ATG10: variants seen among roughly 807,000 people sequenced by gnomAD.
The protein encoded by ATG10 is autophagy related 10.
In ATG10, 30 loss-of-function variants were observed where a neutral mutation model predicts 32.1. That is an observed-to-expected ratio of 0.94 (90% CI 0.70 to 1.27). The LOEUF (loss-of-function observed/expected upper bound fraction) is 1.27. Among genes scored for constraint, ATG10 ranks in the 50% most tolerant of loss-of-function variants. The pLI is 0.00. For missense variants in ATG10, 233 were observed against 262.3 expected (o/e 0.89, Z 0.77); for synonymous variants, 87 against 91.5 (o/e 0.95, Z 0.28).
chr5:82,082,389 A>G (rs1764515341), intron 3 of ATG10, among the ~76,000 whole-genome samples: 1 of 152,220 alleles, frequency 6.6e-6, no homozygotes, highest in African/African-American at 2.4e-5. Flanking sequence ...CTACTTTCTT[A>G]TATCTTCAAA....
At chr5:82,209,743 T>A (rs1222148624) in intron 5 of ATG10, among the ~76,000 whole-genome samples, 1 of 152,172 alleles carries the variant, frequency 6.6e-6, no homozygotes, top group African/African-American at 2.4e-5. Flanking sequence ...TTTTTGAAAA[T>A]TTTGGGCCAT....
chr5:82,087,962 A>G (rs1764747596), intron 3 of ATG10, among the ~76,000 whole-genome samples: 1 of 152,140 alleles, frequency 6.6e-6, no homozygotes, highest in Non-Finnish European at 1.5e-5. Flanking sequence ...CTTTTTGTTT[A>G]CCAATTATAC....
intron 5 of ATG10, among the ~76,000 whole-genome samples, chr5:82,246,174 G>A (rs1014556720): frequency 1.3e-5 from 2 of 150,966 alleles, no homozygotes; most frequent in Non-Finnish European, 2.9e-5. Context: ...GGGTTCAAGC[G>A]ATTCTCCTGC....
intron 2 of ATG10, among the ~76,000 whole-genome samples, chr5:82,048,533 C>A (rs1449069063): frequency 3.3e-5 from 5 of 152,062 alleles, no homozygotes; most frequent in South Asian, 2.1e-4. Flanking sequence ...GCAACAAAAG[C>A]CAAAATTGAC....
At chr5:81,981,907 T>A (rs1446894315) in intron 1 of ATG10, among the ~76,000 whole-genome samples, 3 of 152,204 alleles carry the variant, frequency 2.0e-5, no homozygotes. Flanking sequence ...GTGTTAGAAT[T>A]CACTAAGGCT....
At chr5:82,186,272 G>C (rs1232511918) in intron 5 of ATG10, among the ~76,000 whole-genome samples, 1 of 152,148 alleles carries the variant, frequency 6.6e-6, no homozygotes. Flanking sequence ...TTAGCTGTGG[G>C]TATTAATAAG....
chr5:82,103,866 T>C (rs548493251), intron 3 of ATG10, among the ~76,000 whole-genome samples: 1 of 152,172 alleles, frequency 6.6e-6, no homozygotes, highest in South Asian at 2.1e-4. Context: ...ACATTTTCAG[T>C]TACTACCTGC....
chr5:82,177,032 A>G (rs1744057782), intron 4 of ATG10, among the ~76,000 whole-genome samples: 1 of 152,186 alleles, frequency 6.6e-6, no homozygotes, highest in Non-Finnish European at 1.5e-5. Flanking sequence ...CAACATGGGA[A>G]AATTCTAAGA....
intron 3 of ATG10, among the ~76,000 whole-genome samples, chr5:82,160,734 A>G (rs756082043): frequency 6.6e-6 from 1 of 152,118 alleles, no homozygotes; most frequent in Non-Finnish European, 1.5e-5. Flanking sequence ...GTTTTAATTT[A>G]TATTTCCCTG....
chr5:82,119,542 C>T (rs1480904150), intron 3 of ATG10, among the ~76,000 whole-genome samples: 1 of 152,050 alleles, frequency 6.6e-6, no homozygotes, highest in Non-Finnish European at 1.5e-5. Context: ...CTCACTGCAA[C>T]CTCCGCCTCC....
intron 2 of ATG10, among the ~76,000 whole-genome samples, chr5:81,994,398 CAA>C (rs969091407): frequency 4.0e-5 from 6 of 151,604 alleles, no homozygotes; most frequent in Non-Finnish European, 8.8e-5. Context: ...CACTAGAAAA[CAA>C]AAAAATGTAT....
intron 5 of ATG10, among the ~76,000 whole-genome samples, chr5:82,224,962 C>T (rs1425039773): frequency 6.6e-6 from 1 of 152,212 alleles, no homozygotes; most frequent in Non-Finnish European, 1.5e-5. Context: ...TTATAAACTA[C>T]AAACTTACAT....
At chr5:82,197,163 A>C (rs1744884147) in intron 5 of ATG10, among the ~76,000 whole-genome samples, 1 of 152,112 alleles carries the variant, frequency 6.6e-6, no homozygotes, top group South Asian at 2.1e-4. Context: ...GTTGTGAATG[A>C]AATTGTTTTC....
chr5:82,058,352 C>T (rs1372296684), intron 2 of ATG10, 143 bp from the exon 3 acceptor site: 3 of 596,794 alleles, frequency 5.0e-6, no homozygotes, highest in East Asian at 5.5e-5. Context: ...GGGTGTTGGA[C>T]TAGTCTCTTT....
intron 3 of ATG10, among the ~76,000 whole-genome samples, chr5:82,139,522 T>A (rs1366393909): frequency 1.8e-4 from 25 of 141,344 alleles, no homozygotes; most frequent in Middle Eastern, 4.2e-3. Context: ...GGAGCGCCTC[T>A]GCCCGGCCGA....
At chr5:82,040,550 C>T (rs1275185221) in intron 2 of ATG10, among the ~76,000 whole-genome samples, 1 of 152,048 alleles carries the variant, frequency 6.6e-6, no homozygotes, top group Non-Finnish European at 1.5e-5. Context: ...CAAGGATACA[C>T]ATTATTTGTG....
chr5:82,157,061 C>T (rs558048909), intron 3 of ATG10, among the ~76,000 whole-genome samples: 2 of 152,262 alleles, frequency 1.3e-5, no homozygotes, highest in African/African-American at 2.4e-5. Context: ...TGTGCTGTGG[C>T]GGGTTTCTGC....
intron 3 of ATG10, among the ~76,000 whole-genome samples, chr5:82,148,864 A>AT (rs1167037880): frequency 3.3e-5 from 5 of 151,654 alleles, no homozygotes; most frequent in East Asian, 1.9e-4. Flanking sequence ...ATCTTTTTAT[A>AT]TTTTTTCTGT....
intron 2 of ATG10, among the ~76,000 whole-genome samples, chr5:81,990,135 G>C (rs1379216759): frequency 6.6e-6 from 1 of 151,934 alleles, no homozygotes; most frequent in Non-Finnish European, 1.5e-5. Flanking sequence ...TTTATGCATT[G>C]ACTAGAAAAA....
Sources: gnomAD v4.1 joint callset for allele counts (sites outside exome capture counted in the v4.1 genomes callset) on GRCh38, gnomAD v4.1.1 for gene constraint, MANE v1.5 for transcripts, NCBI Gene and HGNC (gene_info 2026-07-23, HGNC 2026-07-21) for gene names.